Variants in RGS22 observed in about 807,000 individuals in gnomAD.
RGS22 encodes the protein regulator of G protein signaling 22, also known as regulator of G-protein signaling 22.
In RGS22, 148 loss-of-function variants were observed where a neutral mutation model predicts 172.9. The ratio of observed to expected loss-of-function variants is 0.86; its 90% CI spans 0.75 to 0.98. The LOEUF (loss-of-function observed/expected upper bound fraction) is 0.98, where lower values mean the gene tolerates loss of function less well. Among genes scored for constraint, RGS22 ranks in the 50% least tolerant of loss-of-function variants. The probability of loss-of-function intolerance (pLI) is 0.00; values close to 1 mark genes in which losing one functional copy is unlikely to be tolerated. For missense variants in RGS22, 1,347 were observed against 1,440.8 expected, an observed-to-expected ratio of 0.93 and a Z score of 1.05; for synonymous variants, 458 against 480.2, an observed-to-expected ratio of 0.95 and a Z score of 0.60.
chr8:100,011,728 A>G (rs1230197094), intron 14 of RGS22, among the ~76,000 whole-genome samples: 1 of 152,206 alleles, frequency 6.6e-6, no homozygotes, highest in Non-Finnish European at 1.5e-5. Context: ...CTGCCAACAT[A>G]TAATTCTATG....
At position 99,982,124 on chromosome 8, in the gene RGS22, GAAGGA is replaced by G. The variant is rs1344410975; in HGVS notation, c.3181-13_3181-9del. On this transcript the variant is annotated splice_polypyrimidine_tract_variant and intron_variant, in intron 21 of 27. Coordinates refer to ENST00000360863, the MANE Select transcript of RGS22 (RefSeq NM_015668.5). ...ATGAGAATGGCACAAGTCCTGAACA[GAAGGA>G]AAGATAGAATGGTATATAATTAATG... The G allele has an allele frequency of 2.5e-6, 4 of 1,598,804 alleles. No homozygotes were observed. In the East Asian group the frequency reaches 9.0e-5, roughly 36 times the overall value.
At chr8:100,060,485 T>C (rs1810044846) in intron 9 of RGS22, among the ~76,000 whole-genome samples, 1 of 147,774 alleles carries the variant, frequency 6.8e-6, no homozygotes, top group Non-Finnish European at 1.5e-5. Flanking sequence ...ATGTCACATA[T>C]AGAAGAATGT....
chr8:100,082,943 T>G (rs111278484), intron 3 of RGS22, among the ~76,000 whole-genome samples: 121 of 152,228 alleles, frequency 7.9e-4, no homozygotes, highest in Non-Finnish European at 2.5e-4. Flanking sequence ...ATAGCCGTAG[T>G]TGGAATAGTT....
At chr8:100,035,998 C>A (rs1305560795) in intron 14 of RGS22, among the ~76,000 whole-genome samples, 2 of 152,032 alleles carry the variant, frequency 1.3e-5, no homozygotes, top group South Asian at 2.1e-4. Context: ...AGGAGAAATA[C>A]CTAATGTAAA....
chr8:100,031,579 G>C (rs913115021), intron 14 of RGS22, among the ~76,000 whole-genome samples: 7 of 152,002 alleles, frequency 4.6e-5, no homozygotes, highest in Non-Finnish European at 1.0e-4. Context: ...TGGTGCGTGT[G>C]TGTGTGTGTA....
At chr8:99,986,099 G>A (rs951659399) in intron 21 of RGS22, among the ~76,000 whole-genome samples, 2 of 151,930 alleles carry the variant, frequency 1.3e-5, no homozygotes, top group South Asian at 2.1e-4. Flanking sequence ...GCATGGTGGT[G>A]CATGCCTGTA....
chr8:99,994,780 G>A (rs1354244495), intron 20 of RGS22, among the ~76,000 whole-genome samples: 8 of 151,992 alleles, frequency 5.3e-5, no homozygotes, highest in African/African-American at 7.2e-5. Flanking sequence ...AAGTGCATAC[G>A]GAACCAAAAA....
intron 23 of RGS22, among the ~76,000 whole-genome samples, chr8:99,975,715 T>C (rs749753046): frequency 6.6e-6 from 1 of 152,106 alleles, no homozygotes; most frequent in Non-Finnish European, 1.5e-5. Flanking sequence ...TATTTATTTA[T>C]TTTAAAATTA....
At chr8:100,030,167 C>G (rs1038376530) in intron 14 of RGS22, among the ~76,000 whole-genome samples, 1 of 152,128 alleles carries the variant, frequency 6.6e-6, no homozygotes, top group Non-Finnish European at 1.5e-5. Flanking sequence ...CTGGAAAATT[C>G]CTATTGCCTA....
chr8:99,971,309 AC>A (rs1330544181), intron 23 of RGS22, among the ~76,000 whole-genome samples: 1 of 152,196 alleles, frequency 6.6e-6, no homozygotes, highest in Non-Finnish European at 1.5e-5. Context: ...CCCTTTGAAA[AC>A]CAGCACAAGA....
chr8:99,977,191 C>T (rs1410128848), intron 23 of RGS22, among the ~76,000 whole-genome samples: 2 of 151,876 alleles, frequency 1.3e-5, no homozygotes, highest in Non-Finnish European at 2.9e-5. Flanking sequence ...GCAACCTCTT[C>T]CTCCAGAATT....
chr8:99,993,187 T>C (rs1391660555), intron 20 of RGS22, among the ~76,000 whole-genome samples: 2 of 152,022 alleles, frequency 1.3e-5, no homozygotes, highest in Admixed American at 1.3e-4. Flanking sequence ...ATCGACACCC[T>C]AACATCACAA....
Position 100,051,703 on chromosome 8 carries a change from G to T in RGS22, c.1689+1099C>A, listed in dbSNP as rs1408441266. The stretch of plus-strand genomic sequence containing the variant: ...TATACATATATATATTTATATATAC[G>T]TATATATAAATATATATTTATATAT... On this transcript the variant is annotated intron_variant, in intron 10 of 27. Transcript: ENST00000360863. Among the ~76,000 whole-genome samples, 8 of 20,214 alleles carry T rather than the reference G, an allele frequency of 4.0e-4. 1 individual carries two copies. Among genetic ancestry groups the T allele is most frequent in the African/African-American group, 8.8e-4 (2 of 2,268 alleles). 13.3% of individuals were successfully genotyped at this position (20,214 alleles called of 152,430 possible). A position where few individuals can be genotyped will look rare whatever the true frequency, so the allele number is the denominator to read the frequency against.
At position 99,978,004 on chromosome 8, in the gene RGS22, T is replaced by G. The variant is rs1409983131; in HGVS notation, c.3432A>C (p.Glu1144Asp). Residue 1144 changes from glutamate (E) to aspartate (D), a missense_variant, in exon 23 of 28, where the codon GAA becomes GAC. By Grantham distance (45) the Glu-to-Asp change is conservative (BLOSUM62 2). Transcript: ENST00000360863. The part of the protein sequence containing the change: ...FCEFRKNLTD[E>D]NIMSVLERRQ... ...TTCTCTCTAAAACACTCATAATATTTTCATCTGTTAAATTCTTCCTAAACT... is the reference window on the plus strand; with the variant it reads ...TTCTCTCTAAAACACTCATAATATTGTCATCTGTTAAATTCTTCCTAAACT... 9.0e-6 allele frequency: 14 copies of G among 1,552,436 alleles called. No homozygotes were observed. The highest frequency in any genetic ancestry group is 1.1e-5 in the Non-Finnish European group (13 of 1,158,736).
chr8:99,980,827 T>C (rs569498611), intron 22 of RGS22, among the ~76,000 whole-genome samples: 1 of 152,300 alleles, frequency 6.6e-6, no homozygotes, highest in South Asian at 2.1e-4. Context: ...AGTCCTGGCC[T>C]GGTTACTAGA....
At chr8:100,015,862 C>A (rs1263578957) in intron 14 of RGS22, among the ~76,000 whole-genome samples, 1 of 152,206 alleles carries the variant, frequency 6.6e-6, no homozygotes, top group Non-Finnish European at 1.5e-5. Context: ...TCATATTTTG[C>A]TCTAGCCACG....
intron 14 of RGS22, among the ~76,000 whole-genome samples, chr8:100,038,149 T>C (rs905694992): frequency 6.6e-6 from 1 of 152,210 alleles, no homozygotes; most frequent in African/African-American, 2.4e-5. Flanking sequence ...GGTGAACAGA[T>C]ATAGAAGTGA....
Position 100,004,947 on chromosome 8 carries a change from C to T in RGS22, c.2455-849G>A, listed in dbSNP as rs1322354115. ...GAAAAGAGTCTTATTCTTTGTAAGG[C>T]CCTTCCTTATATAATTCCTTACATA... On this transcript the variant is annotated intron_variant, in intron 16 of 27. Transcript: ENST00000360863. Among the ~76,000 whole-genome samples the T allele has an allele frequency of 2.0e-5, 3 of 151,992 alleles. No homozygotes were observed. The South Asian group carries it at 6.2e-4, about 32-fold the overall frequency.
chr8:99,970,021 TAACA>T (rs1224229400), intron 23 of RGS22, among the ~76,000 whole-genome samples: 4 of 152,272 alleles, frequency 2.6e-5, no homozygotes, highest in African/African-American at 9.6e-5. Flanking sequence ...ACAGAAATCA[TAACA>T]AACAGTCTCT....
Sources: gnomAD v4.1 joint callset for allele counts (sites outside exome capture counted in the v4.1 genomes callset) on GRCh38, gnomAD v4.1.1 for gene constraint, MANE v1.5 for transcripts, NCBI Gene and HGNC (gene_info 2026-07-23, HGNC 2026-07-21) for gene names.